Variants in AGL observed in about 807,000 individuals in gnomAD.
The protein encoded by AGL is glycogen debranching enzyme.
A neutral mutation model predicts 199.3 loss-of-function variants in AGL; 128 were observed. The ratio of observed to expected loss-of-function variants is 0.64; its 90% CI spans 0.56 to 0.74. AGL has a LOEUF of 0.74. Ranked by LOEUF, AGL falls within the 30% of genes least tolerant of loss-of-function variation. AGL has a pLI of 0.00. For missense variants in AGL, 1,809 were observed against 1,820.8 expected (o/e 0.99, Z 0.12); for synonymous variants, 584 against 594.7 (o/e 0.98, Z 0.26).
chr1:99,904,321 G>A (rs1177510244), intron 27 of AGL, among the ~76,000 whole-genome samples: 1 of 152,020 alleles, frequency 6.6e-6, no homozygotes, highest in African/African-American at 2.4e-5. Flanking sequence ...TTATGTTCAT[G>A]TGGGTTTTTT....
In AGL at chr1:99,881,314, G is replaced by T; in HGVS notation, c.2024G>T (p.Arg675Leu). The change falls in exon 16 of 34, where the codon CGG becomes CTG. Residue 675 changes from arginine to leucine, a missense_variant. Coordinates refer to ENST00000361915, the MANE Select transcript of AGL (RefSeq NM_000642.3). Reference protein sequence around the residue: ...PHQISVVSEERFYTKWNPEAL... With the variant: ...PHQISVVSEELFYTKWNPEAL... ...CAGATTTCAGTGGTTTCTGAAGAAC[G>T]GTTTTACACTAAGTGGAATCCTGAA... 1.2e-6 allele frequency: 2 copies of T among 1,614,004 alleles called. No homozygotes were observed. Among genetic ancestry groups the T allele is most frequent in the Non-Finnish European group, 1.7e-6 (2 of 1,179,970 alleles).
intron 27 of AGL, among the ~76,000 whole-genome samples, chr1:99,908,539 T>TAG (rs1654498896): frequency 1.3e-5 from 2 of 152,232 alleles, no homozygotes; most frequent in Non-Finnish European, 2.9e-5. Context: ...TTTCTATTTC[T>TAG]ACAAAGCATC....
At chr1:99,873,417 A>G (rs1244159296) in intron 7 of AGL, among the ~76,000 whole-genome samples, 1 of 144,808 alleles carries the variant, frequency 6.9e-6, no homozygotes, top group Non-Finnish European at 1.5e-5. Flanking sequence ...TTTTTCAAAC[A>G]TTTCTTGGCA....
intron 20 of AGL, among the ~76,000 whole-genome samples, chr1:99,886,368 G>C (rs1487370152): frequency 1.3e-5 from 2 of 152,042 alleles, no homozygotes; most frequent in Non-Finnish European, 2.9e-5. Context: ...GGTCACAGCT[G>C]TTCAGGAAGC....
In AGL at chr1:99,874,806, CAT is replaced by C; in HGVS notation, c.1079_1080del (p.His360ArgfsTer8). The C allele has an allele frequency of 6.2e-7, 1 of 1,613,472 alleles. No homozygotes were observed. Among genetic ancestry groups the C allele is most frequent in the Non-Finnish European group, 8.5e-7 (1 of 1,179,518 alleles). ...CATTGCACTAACGACTTTCATACCA[CAT>C]GAGTATGTAATGTGTTTTTTTCTGT... is the stretch of plus-strand genomic sequence containing the variant. ...MNIALTTFIP[H>X]DKGPAAIEEC... On this transcript the variant is annotated frameshift_variant and splice_region_variant, in exon 8 of 34. Transcript: ENST00000361915. LOFTEE classifies it high-confidence loss of function.
Position 99,876,926 on chromosome 1 carries a change from G to T in AGL, c.1423+329G>T, listed in dbSNP as rs551873296. ...TTTTACAGACAAGTTTGAAACCACT[G>T]CTATTACAATTACATTGACATAAGA... On this transcript the variant is annotated intron_variant, in intron 11 of 33. Coordinates refer to ENST00000361915, the MANE Select transcript of AGL (RefSeq NM_000642.3). Among the ~76,000 whole-genome samples, 9 of 152,230 alleles carry T rather than the reference G, an allele frequency of 5.9e-5. No homozygotes were observed. In the East Asian group the frequency reaches 1.5e-3, roughly 26 times the overall value.
intron 7 of AGL, among the ~76,000 whole-genome samples, chr1:99,874,138 T>G (rs1005067822): frequency 6.6e-6 from 1 of 151,950 alleles, no homozygotes; most frequent in South Asian, 2.1e-4. Flanking sequence ...GAAAGTCAGG[T>G]TGTTAATAAG....
At chr1:99,862,513 C>T in intron 4 of AGL, 90 bp downstream of exon 4, 1 of 1,388,166 alleles carries the variant, frequency 7.2e-7, no homozygotes, top group Non-Finnish European at 1.0e-6. Context: ...GTGTATTAGT[C>T]CATTCTCTCA....
intron 30 of AGL, among the ~76,000 whole-genome samples, chr1:99,914,851 A>T (rs1222919814): frequency 6.6e-6 from 1 of 152,088 alleles, no homozygotes; most frequent in Non-Finnish European, 1.5e-5. Flanking sequence ...CTGAGGTTGG[A>T]GGATCATTTG....
intron 10 of AGL, among the ~76,000 whole-genome samples, 158 bp downstream of exon 10, chr1:99,875,613 A>G (rs1357097855): frequency 1.3e-5 from 2 of 152,192 alleles, no homozygotes; most frequent in African/African-American, 2.4e-5. Context: ...AATATTAACT[A>G]ATTTTGTTAG....
Position 99,912,391 on chromosome 1 carries a change from T to A in AGL, c.3837-14T>A, listed in dbSNP as rs1267473010. 1.9e-6 allele frequency: 3 copies of A among 1,608,608 alleles called. No homozygotes were observed. The highest frequency in any genetic ancestry group is 1.7e-4 in the Middle Eastern group (1 of 6,060). On this transcript the variant is annotated splice_polypyrimidine_tract_variant and intron_variant, in intron 28 of 33. Transcript: ENST00000361915. ...CGCCAACTTAAAGAATAAAAATACGTTTTTTAATTTTAGAGATGGGTCTGC... is the reference window on the plus strand; with the variant it reads ...CGCCAACTTAAAGAATAAAAATACGATTTTTAATTTTAGAGATGGGTCTGC...
Position 99,903,145 on chromosome 1 carries a change from T to A in AGL, c.3700+351T>A, listed in dbSNP as rs185832280. ...TGAGTGATATTGTTTCCATTTTTTT[T>A]AATTATTATACTTTAAATTCTAGGG... On this transcript the variant is annotated intron_variant, in intron 27 of 33. Transcript: ENST00000361915. Among the ~76,000 whole-genome samples the A allele has an allele frequency of 1.3e-4, 20 of 152,324 alleles. No individual in the cohort carries two copies. The East Asian group carries it at 1.9e-3, about 15-fold the overall frequency.
At chr1:99,855,850 TTCTTCCA>T (rs1649375420) in intron 2 of AGL, among the ~76,000 whole-genome samples, 1 of 152,132 alleles carries the variant, frequency 6.6e-6, no homozygotes. Flanking sequence ...AAATCTGAAA[TTCTTCCA>T]TCTTTTAAGT....
At chr1:99,872,494 T>C (rs1453169706) in intron 7 of AGL, among the ~76,000 whole-genome samples, 1 of 151,884 alleles carries the variant, frequency 6.6e-6, no homozygotes, top group Non-Finnish European at 1.5e-5. Flanking sequence ...TTATCATGTT[T>C]GTCAATTAGG....
intron 30 of AGL, 114 bp downstream of exon 30, chr1:99,913,852 T>C: frequency 2.0e-6 from 2 of 985,964 alleles, no homozygotes; most frequent in Non-Finnish European, 1.6e-6. Context: ...GTATATTGCT[T>C]ACTAGCTAGT....
chr1:99,859,075 G>A (rs1649809928), intron 2 of AGL, among the ~76,000 whole-genome samples: 1 of 151,976 alleles, frequency 6.6e-6, no homozygotes, highest in Admixed American at 6.6e-5. Flanking sequence ...AACAGTATTT[G>A]TATAAACTTA....
chr1:99,880,052 C>T lies in AGL; in HGVS notation c.1735+6C>T. 1 of 1,613,182 alleles carries T rather than the reference C, an allele frequency of 6.2e-7. No homozygotes were observed. The highest frequency in any genetic ancestry group is 8.5e-7 in the Non-Finnish European group (1 of 1,179,418). On this transcript the variant is annotated splice_donor_region_variant and intron_variant, in intron 13 of 33. Coordinates refer to ENST00000361915, the MANE Select transcript of AGL (RefSeq NM_000642.3). ...CATTAGTTCCTTAATAAGAGGTAGG[C>T]TTGTTGGAGTGTATTTCCCTCTAAA...
At chr1:99,885,044 G>A (rs972804322) in intron 20 of AGL, among the ~76,000 whole-genome samples, 1 of 152,112 alleles carries the variant, frequency 6.6e-6, no homozygotes, top group African/African-American at 2.4e-5. Flanking sequence ...TTTTAAAAAT[G>A]TCAACATATT....
intron 5 of AGL, among the ~76,000 whole-genome samples, chr1:99,868,333 C>T (rs988489019): frequency 2.9e-4 from 44 of 151,974 alleles, no homozygotes; most frequent in Non-Finnish European, 8.8e-5. Flanking sequence ...AAATTGGGGA[C>T]GGGTGGAGTG....
Sources: allele counts gnomAD v4.1 joint callset (sites outside exome capture counted in the v4.1 genomes callset), GRCh38; gene constraint gnomAD v4.1.1; transcripts MANE v1.5; gene names NCBI Gene and HGNC (gene_info 2026-07-23, HGNC 2026-07-21).